The following UVRAG variants were observed in gnomAD, a reference collection of about 807,000 sequenced individuals.
UVRAG encodes the protein UV radiation resistance-associated gene protein.
Under a neutral mutation model 78.0 loss-of-function variants are expected in UVRAG, and 19 were observed. The ratio of observed to expected loss-of-function variants is 0.24; its 90% CI spans 0.17 to 0.36. The LOEUF is 0.36. Among genes scored for constraint, UVRAG ranks in the 10% least tolerant of loss-of-function variants. The probability of loss-of-function intolerance (pLI) is 1.00; values close to 1 mark genes in which losing one functional copy is unlikely to be tolerated. For missense variants in UVRAG, 740 were observed against 853.8 expected, an observed-to-expected ratio of 0.87 and a Z score of 1.66; for synonymous variants, 323 against 324.6, an observed-to-expected ratio of 1.00 and a Z score of 0.05.
intron 14 of UVRAG, among the ~76,000 whole-genome samples, chr11:76,129,711 T>G (rs1952478098): frequency 6.6e-6 from 1 of 152,182 alleles, no homozygotes; most frequent in African/African-American, 2.4e-5. Flanking sequence ...CTCCTGCTAT[T>G]TCTGTTTGTC....
At chr11:76,073,130 C>T (rs916167179) in intron 13 of UVRAG, among the ~76,000 whole-genome samples, 15 of 151,950 alleles carry the variant, frequency 9.9e-5, no homozygotes, top group African/African-American at 3.1e-4. Flanking sequence ...CTTAATGAAG[C>T]AGTAAAAATT....
Position 76,105,066 on chromosome 11 carries a change from A to G in UVRAG, c.1306-10858A>G, listed in dbSNP as rs1318203666. On this transcript the variant is annotated intron_variant, in intron 13 of 14. Coordinates refer to ENST00000356136, the MANE Select transcript of UVRAG (RefSeq NM_003369.4). ...ATTAGAGGGTTGCTAATTAGAAGAT[A>G]TTAAGATTAATCAGAGGGTATAAAT... is the stretch of plus-strand genomic sequence containing the variant. 3.9e-5 allele frequency among the ~76,000 whole-genome samples: 6 copies of G among 152,246 alleles called. No individual in the cohort carries two copies. The South Asian group carries it at 8.3e-4, about 21-fold the overall frequency.
intron 4 of UVRAG, among the ~76,000 whole-genome samples, chr11:75,887,240 G>T (rs866837057): frequency 3.3e-5 from 5 of 152,036 alleles, no homozygotes; most frequent in Middle Eastern, 3.2e-3. Context: ...CCGCCTCCCG[G>T]GTACAAGCGA....
At chr11:76,038,944 G>A (rs886284723) in intron 12 of UVRAG, among the ~76,000 whole-genome samples, 2 of 152,198 alleles carry the variant, frequency 1.3e-5, no homozygotes, top group Admixed American at 1.3e-4. Flanking sequence ...CACATGAGAA[G>A]CCTGGCCAAC....
chr11:75,851,499 A>G (rs534015446), intron 1 of UVRAG, among the ~76,000 whole-genome samples: 1 of 152,318 alleles, frequency 6.6e-6, no homozygotes, highest in East Asian at 1.9e-4. Context: ...ACTGGTGATT[A>G]TCTGTTGGTA....
chr11:75,824,391 G>A (rs576954873), intron 1 of UVRAG, among the ~76,000 whole-genome samples: 150 of 146,700 alleles, frequency 1.0e-3, no homozygotes, highest in African/African-American at 3.7e-3. Context: ...CTGTGAAAAT[G>A]AGTTTTTTTT....
Position 75,983,528 on chromosome 11 carries a change from C to CAT in UVRAG, c.826+17_826+18dup. 6.4e-7 allele frequency: 1 copy of CAT among 1,561,662 alleles called. No homozygotes were observed. Among genetic ancestry groups the CAT allele is most frequent in the Non-Finnish European group, 8.7e-7 (1 of 1,150,456 alleles). Reference sequence around the variant, plus strand: ...ACAAGACAAAGGTGAGTGGAAATACCATACAAACAGCCTAACCTCCACATT... The same window carrying CAT: ...ACAAGACAAAGGTGAGTGGAAATACCATATACAAACAGCCTAACCTCCACATT... On this transcript the variant is annotated intron_variant, in intron 8 of 14. Coordinates refer to ENST00000356136, the MANE Select transcript of UVRAG (RefSeq NM_003369.4).
intron 8 of UVRAG, among the ~76,000 whole-genome samples, chr11:76,003,739 T>C (rs1404150114): frequency 6.6e-6 from 1 of 152,212 alleles, no homozygotes; most frequent in African/African-American, 2.4e-5. Context: ...TGACCATCTT[T>C]CTCAGTCATT....
intron 8 of UVRAG, among the ~76,000 whole-genome samples, chr11:75,986,143 T>C (rs369587390): frequency 2.0e-5 from 3 of 152,180 alleles, no homozygotes; most frequent in African/African-American, 2.4e-5. Flanking sequence ...TCAAATGTAA[T>C]TGGGGATAAT....
chr11:76,130,836 G>T (rs530808729), intron 14 of UVRAG, among the ~76,000 whole-genome samples: 35 of 152,054 alleles, frequency 2.3e-4, no homozygotes, highest in Non-Finnish European at 2.9e-5. Flanking sequence ...CTCTGACCAG[G>T]GTTTTAATTT....
intron 12 of UVRAG, among the ~76,000 whole-genome samples, chr11:76,061,785 G>A (rs1334861560): frequency 6.6e-6 from 1 of 152,188 alleles, no homozygotes; most frequent in African/African-American, 2.4e-5. Flanking sequence ...CTTCATTCTT[G>A]AAGTTAGTGA....
chr11:76,038,626 C>T (rs1950584389), intron 12 of UVRAG, among the ~76,000 whole-genome samples: 1 of 152,182 alleles, frequency 6.6e-6, no homozygotes, highest in African/African-American at 2.4e-5. Flanking sequence ...GAATTTTCCT[C>T]CCATGATTAA....
intron 13 of UVRAG, among the ~76,000 whole-genome samples, chr11:76,102,191 T>C (rs1320383610): frequency 6.6e-6 from 1 of 152,228 alleles, no homozygotes; most frequent in Non-Finnish European, 1.5e-5. Flanking sequence ...TTTTTAATGA[T>C]GTTGATTCTT....
chr11:75,916,216 A>T (rs890162560), intron 6 of UVRAG: 1 of 152,222 alleles, frequency 6.6e-6, no homozygotes, highest in Non-Finnish European at 1.5e-5. Flanking sequence ...TTCCAGTCCT[A>T]AAACTGCCAT....
chr11:76,068,202 A>G (rs1951232237), intron 13 of UVRAG, among the ~76,000 whole-genome samples: 1 of 152,220 alleles, frequency 6.6e-6, no homozygotes, highest in Non-Finnish European at 1.5e-5. Flanking sequence ...TTTGGGAGCA[A>G]GACCAAGATG....
At chr11:76,014,447 C>T (rs2135363128) in intron 11 of UVRAG, among the ~76,000 whole-genome samples, 1 of 152,338 alleles carries the variant, frequency 6.6e-6, no homozygotes. Context: ...TATTATCTGT[C>T]TTTAAGTCCT....
intron 13 of UVRAG, among the ~76,000 whole-genome samples, chr11:76,109,449 A>G (rs1003023519): frequency 6.6e-6 from 1 of 152,226 alleles, no homozygotes; most frequent in Non-Finnish European, 1.5e-5. Context: ...AGGCCTCAGG[A>G]ACTTCTATTC....
At chr11:75,848,018 A>G (rs1590929692) in intron 1 of UVRAG, among the ~76,000 whole-genome samples, 1 of 146,438 alleles carries the variant, frequency 6.8e-6, no homozygotes. Context: ...CAACATAGGG[A>G]GACTCTGTCT....
chr11:75,965,343 G>A (rs1441592354), intron 7 of UVRAG, among the ~76,000 whole-genome samples: 7 of 151,348 alleles, frequency 4.6e-5, no homozygotes, highest in South Asian at 2.1e-4. Flanking sequence ...ACGGAGTCTC[G>A]CTCTGTCGCC....
Sources: allele counts gnomAD v4.1 joint callset (sites outside exome capture counted in the v4.1 genomes callset), GRCh38; gene constraint gnomAD v4.1.1; transcripts MANE v1.5; gene names NCBI Gene and HGNC (gene_info 2026-07-23, HGNC 2026-07-21).